The following KIZ variants were observed in gnomAD, a reference collection of about 807,000 sequenced individuals.
The protein encoded by KIZ is centrosomal protein kizuna.
KIZ carries 68 observed loss-of-function variants against 79.6 expected under a neutral mutation model. That is an observed-to-expected ratio of 0.85 (90% confidence interval 0.70 to 1.05). KIZ has a LOEUF of 1.05. Ranked by LOEUF, KIZ falls within the 50% of genes least tolerant of loss-of-function variation. The pLI, the probability that KIZ is intolerant of heterozygous loss-of-function variation, is 0.00. For missense variants in KIZ, 797 were observed against 800.4 expected (o/e 1.00, Z 0.05); for synonymous variants, 280 against 281.8 (o/e 0.99, Z 0.06).
chr20:21,226,403 A>G (rs949255628), intron 9 of KIZ: 4 of 152,274 alleles, frequency 2.6e-5, no homozygotes, highest in African/African-American at 9.7e-5. Flanking sequence ...TGTTCTATGC[A>G]GACTATGTAT....
At chr20:21,171,360 A>G (rs1169517378) in intron 6 of KIZ, among the ~76,000 whole-genome samples, 2 of 152,132 alleles carry the variant, frequency 1.3e-5, no homozygotes, top group African/African-American at 2.4e-5. Context: ...TGTCTTGCAG[A>G]TATTTTCGCC....
rs2032201986 is a variant in KIZ at position 21,136,562 on chromosome 20, T to C, written c.315+10T>C. ...GCTTCAAAAACTGAAGGTGACTTCC[T>C]GTTTTTTACTGTGTTTTATTTTATT... On this transcript the variant is annotated intron_variant, in intron 3 of 12. Transcript: ENST00000619189. The C allele has an allele frequency of 6.6e-7, 1 of 1,523,478 alleles. No homozygotes were observed. The allele number at this position is 1,523,478 out of a possible 1,614,324, so 94.4% of individuals were successfully genotyped here. A position where few individuals can be genotyped will look rare whatever the true frequency, so the allele number is the denominator to read the frequency against.
intron 3 of KIZ, among the ~76,000 whole-genome samples, chr20:21,142,157 T>C (rs1358574604): frequency 6.6e-6 from 1 of 152,084 alleles, no homozygotes; most frequent in Non-Finnish European, 1.5e-5. Flanking sequence ...TTAAGCATGC[T>C]GGACAATTTG....
intron 2 of KIZ, among the ~76,000 whole-genome samples, chr20:21,133,738 AC>A (rs2031995462): frequency 6.6e-6 from 1 of 152,246 alleles, no homozygotes; most frequent in Admixed American, 6.5e-5. Context: ...AATTTATTTG[AC>A]AAGGTGGTCA....
intron 6 of KIZ, among the ~76,000 whole-genome samples, chr20:21,169,588 C>G (rs1157881010): frequency 1.3e-5 from 2 of 152,150 alleles, no homozygotes; most frequent in African/African-American, 4.8e-5. Flanking sequence ...GGTATATACC[C>G]AAAGGATTAT....
At chr20:21,159,016 TTA>T (rs1243772660) in intron 4 of KIZ, among the ~76,000 whole-genome samples, 3 of 90,908 alleles carry the variant, frequency 3.3e-5, no homozygotes, top group African/African-American at 8.9e-5. Context: ...ACTATTATTA[TTA>T]TTTTTTTTTA....
At chr20:21,198,285 A>G (rs2035440170) in intron 6 of KIZ, 1 of 152,168 alleles carries the variant, frequency 6.6e-6, no homozygotes, top group South Asian at 2.1e-4. Flanking sequence ...GATGGTCTCG[A>G]TCTCCTGACC....
chr20:21,131,234 C>T (rs1366270520), intron 1 of KIZ, among the ~76,000 whole-genome samples: 1 of 152,144 alleles, frequency 6.6e-6, no homozygotes, highest in Non-Finnish European at 1.5e-5. Flanking sequence ...TCGTCCTTGC[C>T]CAGGCTGGTT....
intron 4 of KIZ, among the ~76,000 whole-genome samples, chr20:21,161,627 C>T (rs1568931745): frequency 1.3e-5 from 2 of 152,138 alleles, no homozygotes; most frequent in Non-Finnish European, 2.9e-5. Flanking sequence ...CCACCACACC[C>T]GGCTTACTTT....
In KIZ at chr20:21,228,939, A is replaced by G. The variant is rs1035274033; in HGVS notation, c.1679-72A>G. On this transcript the variant is annotated intron_variant, in intron 9 of 12. Coordinates refer to ENST00000619189, the MANE Select transcript of KIZ (RefSeq NM_018474.6). The stretch of plus-strand genomic sequence containing the variant: ...TGCATTTAAGAAGTGTTAATCTCAT[A>G]GGAAGAATTTAAAAAGCTTCTTTCT... 6.6e-6 allele frequency: 5 copies of G among 758,976 alleles called. No homozygotes were observed. The Admixed American group carries it at 1.3e-4, about 20-fold the overall frequency. The allele number at this position is 758,976 out of a possible 1,614,324, so 47.0% of individuals were successfully genotyped here.
chr20:21,140,784 G>C (rs2032473072), intron 3 of KIZ, among the ~76,000 whole-genome samples: 1 of 151,944 alleles, frequency 6.6e-6, no homozygotes, highest in South Asian at 2.1e-4. Context: ...TTCGAGACCA[G>C]CCTGGGCAAC....
chr20:21,162,314 T>C lies in KIZ; in HGVS notation c.849T>C (p.Ser283=). ...ATTCCCCGTTACGGGAAAGATTAAG[T>C]CCAGAGAACAGAACCACTGATTTAA... The part of the protein sequence containing the change: ...ELNSPLRERL[S]PENRTTDLKC... The change falls in exon 5 of 13, where the codon AGT becomes AGC. Residue 283 remains serine (S), a synonymous_variant. Coordinates refer to ENST00000619189, the MANE Select transcript of KIZ (RefSeq NM_018474.6). 1 of 1,613,834 alleles carries C rather than the reference T, an allele frequency of 6.2e-7. No individual in the cohort carries two copies. The highest frequency in any genetic ancestry group is 1.1e-5 in the South Asian group (1 of 91,078).
intron 3 of KIZ, among the ~76,000 whole-genome samples, chr20:21,142,328 C>T (rs1235424384): frequency 6.6e-6 from 1 of 152,074 alleles, no homozygotes; most frequent in Admixed American, 6.5e-5. Context: ...CTGTGAGCTC[C>T]TTGTCTTATT....
chr20:21,223,270 G>A (rs957957295), intron 9 of KIZ, among the ~76,000 whole-genome samples: 6 of 152,188 alleles, frequency 3.9e-5, no homozygotes, highest in African/African-American at 1.4e-4. Context: ...GTTTCAGCTC[G>A]TTTTGGGAAT....
intron 6 of KIZ, among the ~76,000 whole-genome samples, chr20:21,187,255 G>T (rs1359431774): frequency 6.6e-6 from 1 of 152,092 alleles, no homozygotes; most frequent in African/African-American, 2.4e-5. Context: ...CCTATATTTG[G>T]TGTCTACCAT....
rs946402207 is a variant in KIZ at position 21,162,484 on chromosome 20, A to G, written c.1019A>G (p.His340Arg). 2 of 1,612,874 alleles carry G rather than the reference A, an allele frequency of 1.2e-6. No homozygotes were observed. The highest frequency in any genetic ancestry group is 2.7e-5 in the African/African-American group (2 of 74,976). Residue 340 changes from histidine to arginine, a missense_variant, in exon 5 of 13, where the codon CAT becomes CGT. Coordinates refer to ENST00000619189, the MANE Select transcript of KIZ (RefSeq NM_018474.6). Reference sequence around the variant, plus strand: ...GAAAATAAGTGGTCTCAAGAGAAGCATTCTCCTTGGGAAGGTGTTTCAGGT... The same window carrying G: ...GAAAATAAGTGGTCTCAAGAGAAGCGTTCTCCTTGGGAAGGTGTTTCAGGT... ...ESENKWSQEK[H>R]SPWEGVSDHL...
Position 21,232,789 on chromosome 20 carries a change from G to A in KIZ, c.1839G>A (p.Ser613=), listed in dbSNP as rs775556810. The change falls in exon 11 of 13, where the codon TCG becomes TCA. Residue 613 remains serine (S), a synonymous_variant. Coordinates refer to ENST00000619189, the MANE Select transcript of KIZ (RefSeq NM_018474.6). ...FETKTANKIA[S]EASFSSSEGS... is the part of the protein sequence containing the mutation. ...CAAAGACAGCTAACAAAATTGCTTC[G>A]GAAGCTAGTTTTTCATCTAGTGAAG... 19 of 1,591,444 alleles carry A rather than the reference G, an allele frequency of 1.2e-5. No homozygotes were observed. The highest frequency in any genetic ancestry group is 2.3e-5 in the South Asian group (2 of 87,924).
At chr20:21,213,422 A>T (rs1386548167) in intron 7 of KIZ, 3 of 152,214 alleles carry the variant, frequency 2.0e-5, no homozygotes, top group Non-Finnish European at 4.4e-5. Context: ...TTGGCTAATG[A>T]TGACCTGTGA....
chr20:21,182,875 T>C (rs1381764242), intron 6 of KIZ, among the ~76,000 whole-genome samples: 2 of 151,614 alleles, frequency 1.3e-5, no homozygotes, highest in African/African-American at 4.9e-5. Flanking sequence ...CTCTCTCTGC[T>C]CTTTATCTCT....
Sources: allele counts gnomAD v4.1 joint callset (sites outside exome capture counted in the v4.1 genomes callset), GRCh38; gene constraint gnomAD v4.1.1; transcripts MANE v1.5; gene names NCBI Gene and HGNC (gene_info 2026-07-23, HGNC 2026-07-21).